PTTG1IP2: variants seen among roughly 807,000 people sequenced by gnomAD.
PTTG1IP2 encodes the protein PTTG1IP family member 2.
intron 1 of PTTG1IP2, among the ~76,000 whole-genome samples, chr7:90,478,608 A>G (rs1290267722): frequency 2.0e-5 from 3 of 152,238 alleles, no homozygotes; most frequent in East Asian, 3.8e-4. Flanking sequence ...TTGTTGCTGT[A>G]TCACAAAACA....
In PTTG1IP2 at chr7:90,479,854, T is replaced by C. The variant is rs527912632; in HGVS notation, c.192+580T>C. Among the ~76,000 whole-genome samples the C allele has an allele frequency of 1.4e-3, 207 of 152,332 alleles. 2 individuals carry two copies. The highest frequency in any genetic ancestry group is 4.7e-3 in the African/African-American group (194 of 41,576). ...ACTTGTATTGGATAACAGACGATAC[T>C]AAAAACAGAAGCTTGAAGTCACTAC... On this transcript the variant is annotated intron_variant, in intron 2 of 6. Transcript: ENST00000509356.
chr7:90,493,151 C>T (rs893125892), intron 5 of PTTG1IP2, among the ~76,000 whole-genome samples: 1 of 151,796 alleles, frequency 6.6e-6, no homozygotes, highest in Non-Finnish European at 1.5e-5. Context: ...TTGCAGGGTG[C>T]GGGGGGGCTT....
chr7:90,505,619 A>G (rs1282941094), intron 6 of PTTG1IP2, among the ~76,000 whole-genome samples: 1 of 152,206 alleles, frequency 6.6e-6, no homozygotes, highest in African/African-American at 2.4e-5. Context: ...CAGAATGACA[A>G]TAGCTTTGTT....
intron 1 of PTTG1IP2, among the ~76,000 whole-genome samples, chr7:90,478,816 GA>G (rs1279947643): frequency 6.7e-6 from 1 of 149,818 alleles, no homozygotes; most frequent in Non-Finnish European, 1.5e-5. Flanking sequence ...GGCAAAAAAA[GA>G]TAGGGAATTA....
At chr7:90,472,119 G>A (rs1797695506) in intron 1 of PTTG1IP2, among the ~76,000 whole-genome samples, 1 of 152,010 alleles carries the variant, frequency 6.6e-6, no homozygotes. Context: ...AAAATCTCAA[G>A]GATCATGGTA....
intron 5 of PTTG1IP2, 72 bp downstream of exon 5, chr7:90,492,381 A>T (rs548420125): frequency 1.2e-4 from 19 of 152,086 alleles, no homozygotes; most frequent in Non-Finnish European, 2.4e-4. Flanking sequence ...TGTTCCAAAC[A>T]TCAAAATTAA....
intron 6 of PTTG1IP2, among the ~76,000 whole-genome samples, chr7:90,505,414 A>G (rs1798112940): frequency 1.3e-5 from 2 of 152,194 alleles, no homozygotes; most frequent in South Asian, 4.1e-4. Flanking sequence ...TGGATGCCCA[A>G]ATAATTAAAA....
chr7:90,496,601 T>G (rs952577445), intron 6 of PTTG1IP2, among the ~76,000 whole-genome samples: 1 of 152,116 alleles, frequency 6.6e-6, no homozygotes, highest in Non-Finnish European at 1.5e-5. Flanking sequence ...TTGTTAATTT[T>G]TTATTTTAAT....
At chr7:90,503,455 T>C (rs1798084328) in intron 6 of PTTG1IP2, among the ~76,000 whole-genome samples, 1 of 152,256 alleles carries the variant, frequency 6.6e-6, no homozygotes, top group Non-Finnish European at 1.5e-5. Flanking sequence ...GAGGCCCAGC[T>C]TTCAGCCTGT....
intron 1 of PTTG1IP2, 45 bp downstream of exon 1, chr7:90,469,976 C>G (rs375776697): frequency 1.1e-4 from 17 of 152,524 alleles, no homozygotes; most frequent in Admixed American, 1.1e-3. Context: ...CATGCTCCAG[C>G]GTTTTTTTTC....
At chr7:90,479,140 G>C (rs1006678809) in intron 1 of PTTG1IP2, 88 bp from the exon 2 acceptor site, 1 of 152,500 alleles carries the variant, frequency 6.6e-6, no homozygotes, top group Non-Finnish European at 1.5e-5. Context: ...CTTAAAACAG[G>C]AATTACTAAA....
intron 6 of PTTG1IP2, among the ~76,000 whole-genome samples, chr7:90,496,391 A>G (rs1250571455): frequency 6.6e-6 from 1 of 152,042 alleles, no homozygotes; most frequent in Admixed American, 6.5e-5. Context: ...TTTGTCTAGG[A>G]ATGTATTCAT....
intron 1 of PTTG1IP2, among the ~76,000 whole-genome samples, chr7:90,475,895 C>T (rs370414775): frequency 1.3e-5 from 2 of 150,454 alleles, no homozygotes; most frequent in Non-Finnish European, 3.0e-5. Context: ...GAGCTGAGAT[C>T]GCGCCACTGC....
chr7:90,480,050 C>G (rs1797798232), intron 2 of PTTG1IP2, among the ~76,000 whole-genome samples: 1 of 152,122 alleles, frequency 6.6e-6, no homozygotes, highest in African/African-American at 2.4e-5. Flanking sequence ...ACTACCATTG[C>G]CTTACATGCT....
chr7:90,503,691 A>G (rs1192109791), intron 6 of PTTG1IP2, among the ~76,000 whole-genome samples: 3 of 152,244 alleles, frequency 2.0e-5, no homozygotes, highest in Non-Finnish European at 4.4e-5. Context: ...TACAACATGT[A>G]TTGATTAAGT....
At chr7:90,486,347 A>T (rs1265949268) in intron 2 of PTTG1IP2, among the ~76,000 whole-genome samples, 1 of 149,992 alleles carries the variant, frequency 6.7e-6, no homozygotes. Context: ...TAGTACCTAG[A>T]TCACCGGGTT....
At chr7:90,505,449 ATG>A (rs1798113148) in intron 6 of PTTG1IP2, among the ~76,000 whole-genome samples, 1 of 152,346 alleles carries the variant, frequency 6.6e-6, no homozygotes, top group African/African-American at 2.4e-5. Flanking sequence ...AGAAGCCTTT[ATG>A]TGTCTTGGCT....
In PTTG1IP2 at chr7:90,492,256, T is replaced by C. The variant is rs1797947091; in HGVS notation, c.398T>C (p.Val133Ala). The part of the protein sequence containing the change: ...FYLQDLNRNR[V>A]YFYGRRETVP... ...ACCATCAGTTTGAACAGAAATCGTG[T>C]CTATTTTTATGGAAGACGAGAAACA... The change falls in exon 5 of 7, where the codon GTC becomes GCC. Residue 133 changes from valine (V) to alanine (A), a missense_variant. Transcript: ENST00000509356. 1 of 152,228 alleles carries C rather than the reference T, an allele frequency of 6.6e-6. No homozygotes were observed. Among genetic ancestry groups the C allele is most frequent in the Non-Finnish European group, 1.5e-5 (1 of 68,046 alleles). The allele number at this position is 152,228 out of a possible 1,614,324, so 9.4% of individuals were successfully genotyped here. A position where few individuals can be genotyped will look rare whatever the true frequency, so the allele number is the denominator to read the frequency against.
intron 2 of PTTG1IP2, among the ~76,000 whole-genome samples, chr7:90,481,316 C>T (rs1028389404): frequency 8.5e-5 from 13 of 152,228 alleles, no homozygotes; most frequent in South Asian, 2.1e-4. Flanking sequence ...ACCCACATTC[C>T]GCAACTCTGA....
Sources: allele counts gnomAD v4.1 joint callset (sites outside exome capture counted in the v4.1 genomes callset), GRCh38; gene constraint gnomAD v4.1.1; transcripts MANE v1.5; gene names NCBI Gene and HGNC (gene_info 2026-07-23, HGNC 2026-07-21).